Variants in LASP1 observed in about 807,000 individuals in gnomAD.
LASP1 encodes LIM and SH3 protein 1.
In LASP1, 10 loss-of-function variants were observed where a neutral mutation model predicts 38.6. The observed-to-expected ratio is 0.26, with a 90% CI of 0.16 to 0.44. The LOEUF (loss-of-function observed/expected upper bound fraction) is 0.44, where lower values mean the gene tolerates loss of function less well. LASP1 is among the 20% of genes least tolerant of loss of function. The pLI, the probability that LASP1 is intolerant of heterozygous loss-of-function variation, is 1.00. For missense variants in LASP1, 243 were observed against 375.7 expected, an observed-to-expected ratio of 0.65 and a Z score of 2.92; for synonymous variants, 132 against 140.8, an observed-to-expected ratio of 0.94 and a Z score of 0.44.
intron 5 of LASP1, among the ~76,000 whole-genome samples, chr17:38,914,733 C>T (rs992127013): frequency 3.3e-5 from 5 of 151,354 alleles, no homozygotes; most frequent in African/African-American, 7.3e-5. Context: ...CGCATGCAGG[C>T]GAGGAAAAGA....
intron 1 of LASP1, among the ~76,000 whole-genome samples, chr17:38,870,951 C>T (rs1407543510): frequency 1.3e-5 from 2 of 152,332 alleles, no homozygotes; most frequent in East Asian, 3.9e-4. Flanking sequence ...CGGTGCTGGG[C>T]CGTCCAGCCT....
chr17:38,897,442 G>C (rs1369027352), intron 3 of LASP1, among the ~76,000 whole-genome samples: 3 of 152,238 alleles, frequency 2.0e-5, no homozygotes, highest in Non-Finnish European at 4.4e-5. Context: ...GTGGGGTCTG[G>C]AACAGATGGC....
intron 3 of LASP1, among the ~76,000 whole-genome samples, chr17:38,891,941 C>T (rs1035795222): frequency 2.2e-4 from 33 of 150,914 alleles, no homozygotes; most frequent in African/African-American, 6.6e-4. Context: ...AAAAAAAAAA[C>T]GAGCAGAGAT....
chr17:38,920,680 T>C lies in LASP1; in HGVS notation c.*1902T>C, dbSNP rs1473567518. Reference sequence around the variant, plus strand: ...GGGATGTTTGCCCCGAATGAGAGGTTGAGGAAAAGACTGTGGGTGGGGAGG... The same window carrying C: ...GGGATGTTTGCCCCGAATGAGAGGTCGAGGAAAAGACTGTGGGTGGGGAGG... On this transcript the variant is annotated 3_prime_UTR_variant, in exon 7 of 7. Coordinates refer to ENST00000318008, the MANE Select transcript of LASP1 (RefSeq NM_006148.4). The C allele has an allele frequency of 4.3e-6, 1 of 233,836 alleles. No individual in the cohort carries two copies. The highest frequency in any genetic ancestry group is 8.5e-6 in the Non-Finnish European group (1 of 118,278). The allele number at this position is 233,836 out of a possible 1,614,324, so 14.5% of individuals were successfully genotyped here.
At chr17:38,891,547 C>T (rs1404290651) in intron 3 of LASP1, among the ~76,000 whole-genome samples, 4 of 152,150 alleles carry the variant, frequency 2.6e-5, no homozygotes, top group Admixed American at 2.0e-4. Flanking sequence ...GAGGGACTAG[C>T]TGAGGTCCTG....
chr17:38,898,428 A>G lies in LASP1; in HGVS notation c.266A>G (p.Glu89Gly). 6.5e-7 allele frequency: 1 copy of G among 1,549,822 alleles called. No individual in the cohort carries two copies. Among genetic ancestry groups the G allele is most frequent in the South Asian group, 1.2e-5 (1 of 84,020 alleles). ...ELQSQVRYKE[E>G]FEKNKGKGFS... ...CTCCTGCAGGTGCGCTACAAGGAGG[A>G]GTTTGAGAAGAACAAGGGCAAAGGT... is the stretch of plus-strand genomic sequence containing the variant. Residue 89 changes from glutamate to glycine, a missense_variant, in exon 4 of 7, where the codon GAG becomes GGG. This residue lies in a region of LASP1 where 33 missense variants were observed against 39.8 expected (regional missense o/e 0.83). Transcript: ENST00000318008.
At chr17:38,899,001 C>T in intron 4 of LASP1, 1 of 351,452 alleles carries the variant, frequency 2.8e-6, no homozygotes, top group Non-Finnish European at 5.6e-6. Context: ...GCTTCACCCG[C>T]CAGCCCTGCA....
chr17:38,883,606 AGGCCTCCT>A (rs1237032957), intron 2 of LASP1, among the ~76,000 whole-genome samples: 1 of 152,136 alleles, frequency 6.6e-6, no homozygotes, highest in Non-Finnish European at 1.5e-5. Context: ...CCTGTCCTTC[AGGCCTCCT>A]GGAGCCTGAG....
At chr17:38,885,412 G>C (rs1236943930) in intron 2 of LASP1, among the ~76,000 whole-genome samples, 1 of 152,206 alleles carries the variant, frequency 6.6e-6, no homozygotes, top group East Asian at 1.9e-4. Context: ...ATAGCTGCCT[G>C]TTTGCCCTGC....
intron 4 of LASP1, among the ~76,000 whole-genome samples, chr17:38,902,415 C>CTATG (rs1914669210): frequency 7.8e-6 from 1 of 128,194 alleles, no homozygotes; most frequent in Non-Finnish European, 1.6e-5. Context: ...CAGGGTCTCA[C>CTATG]TATGTTGTCT....
chr17:38,879,997 C>G (rs1046565882), intron 2 of LASP1, among the ~76,000 whole-genome samples: 2 of 152,152 alleles, frequency 1.3e-5, no homozygotes, highest in Admixed American at 1.3e-4. Context: ...TCTACTGTTC[C>G]TCTTCCCCCT....
intron 4 of LASP1, among the ~76,000 whole-genome samples, chr17:38,905,200 G>T (rs971293065): frequency 6.6e-6 from 1 of 152,052 alleles, no homozygotes; most frequent in African/African-American, 2.4e-5. Context: ...ATCTCCTGAG[G>T]TCTATGTACA....
chr17:38,888,486 C>T (rs1914211791), intron 2 of LASP1, among the ~76,000 whole-genome samples: 1 of 152,162 alleles, frequency 6.6e-6, no homozygotes, highest in African/African-American at 2.4e-5. Flanking sequence ...CCATGTTAGC[C>T]AGGCTGGTCT....
At chr17:38,898,578 C>T in intron 4 of LASP1, 59 bp downstream of exon 4, 9 of 1,294,518 alleles carry the variant, frequency 7.0e-6, no homozygotes, top group Non-Finnish European at 9.9e-6. Flanking sequence ...CCCCTTCCTG[C>T]CAGCCTGGCA....
intron 2 of LASP1, among the ~76,000 whole-genome samples, chr17:38,880,321 A>G (rs928149504): frequency 2.0e-5 from 3 of 152,216 alleles, no homozygotes; most frequent in Admixed American, 2.0e-4. Flanking sequence ...CCTCATCCAA[A>G]GTTCCAGCTT....
At chr17:38,897,898 C>G (rs895757506) in intron 3 of LASP1, among the ~76,000 whole-genome samples, 2 of 152,186 alleles carry the variant, frequency 1.3e-5, no homozygotes, top group Admixed American at 1.3e-4. Context: ...GTGGGCAGGG[C>G]CACATCCTGG....
chr17:38,884,449 G>T (rs930451233), intron 2 of LASP1, among the ~76,000 whole-genome samples: 10 of 150,430 alleles, frequency 6.6e-5, no homozygotes, highest in African/African-American at 2.5e-4. Context: ...GTGCAATGGC[G>T]CAATCTTGGC....
At chr17:38,877,686 T>C (rs570188174) in intron 1 of LASP1, among the ~76,000 whole-genome samples, 4 of 152,268 alleles carry the variant, frequency 2.6e-5, no homozygotes, top group African/African-American at 9.6e-5. Context: ...TGCTCCTTCA[T>C]GTTCAGCGGC....
At chr17:38,879,578 T>TC (rs1223892162) in intron 2 of LASP1, among the ~76,000 whole-genome samples, 2 of 151,444 alleles carry the variant, frequency 1.3e-5, no homozygotes, top group African/African-American at 4.9e-5. Flanking sequence ...TTTTTTTTTT[T>TC]CTCTTAATTC....
Sources: allele counts gnomAD v4.1 joint callset (sites outside exome capture counted in the v4.1 genomes callset), GRCh38; gene constraint gnomAD v4.1.1; regional missense constraint gnomAD v4.1.1; transcripts MANE v1.5; gene names NCBI Gene and HGNC (gene_info 2026-07-23, HGNC 2026-07-21).